Variants in SLC17A1 observed in about 807,000 individuals in gnomAD.
SLC17A1 encodes the protein sodium-dependent phosphate transport protein 1.
Under a neutral mutation model 53.5 loss-of-function variants are expected in SLC17A1, and 51 were observed. That is an observed-to-expected ratio of 0.95 (90% CI 0.76 to 1.20). The LOEUF (loss-of-function observed/expected upper bound fraction) is 1.20, where lower values mean the gene tolerates loss of function less well. Ranked by LOEUF, SLC17A1 falls within the 50% of genes most tolerant of loss-of-function variation. SLC17A1 has a pLI of 0.00. For missense variants in SLC17A1, 538 were observed against 568.2 expected, an observed-to-expected ratio of 0.95 and a Z score of 0.54; for synonymous variants, 179 against 198.8, an observed-to-expected ratio of 0.90 and a Z score of 0.84.
At chr6:25,734,389 A>G in the SLC17A1 span, among the ~76,000 whole-genome samples, 1 of 152,204 alleles carries the variant, frequency 6.6e-6, no homozygotes, top group East Asian at 1.9e-4. Flanking sequence ...GATTAAGATG[A>G]ATGGGGAAAA....
At chr6:25,765,879 C>T in the SLC17A1 span, among the ~76,000 whole-genome samples, 2 of 151,850 alleles carry the variant, frequency 1.3e-5, no homozygotes, top group African/African-American at 4.8e-5. Context: ...AAAATACATA[C>T]AAGAGCTGGT....
At chr6:25,814,758 C>T (rs190605233) in intron 6 of SLC17A1, among the ~76,000 whole-genome samples, 2 of 151,972 alleles carry the variant, frequency 1.3e-5, no homozygotes, top group East Asian at 3.9e-4. Flanking sequence ...CCGAGGCGGG[C>T]GGATCACGTG....
chr6:25,819,619 C>T (rs1306244483), intron 4 of SLC17A1, 21 bp from the exon 5 acceptor site: 4 of 1,612,400 alleles, frequency 2.5e-6, no homozygotes, highest in South Asian at 1.1e-5. Flanking sequence ...AAAGGTTTGA[C>T]ATTTAATCTC....
intron 12 of SLC17A1, among the ~76,000 whole-genome samples, chr6:25,792,914 C>T (rs1763533247): frequency 6.6e-6 from 1 of 152,144 alleles, no homozygotes. Flanking sequence ...CCTGGTCTCC[C>T]TGCCTCTACT....
chr6:25,745,509 T>C, the SLC17A1 span, among the ~76,000 whole-genome samples: 2,549 of 152,266 alleles, frequency 0.017, 64 homozygotes, highest in African/African-American at 0.057. Flanking sequence ...TACTTTAACA[T>C]TTACTTGGTC....
Position 25,783,222 on chromosome 6 carries a change from A to C in SLC17A1, c.*3-4T>G, listed in dbSNP as rs1459705679. The C allele has an allele frequency of 6.6e-6, 1 of 152,150 alleles. No homozygotes were observed. The highest frequency in any genetic ancestry group is 1.9e-4 in the East Asian group (1 of 5,184). The allele number at this position is 152,150 out of a possible 1,614,324, so 9.4% of individuals were successfully genotyped here. A position where few individuals can be genotyped will look rare whatever the true frequency, so the allele number is the denominator to read the frequency against. Reference sequence around the variant, plus strand: ...TCTGCAAGTGCTCTGTTTCACACTAAGTTTTGTAAACAAAGAAAAAAATAG... The same window carrying C: ...TCTGCAAGTGCTCTGTTTCACACTACGTTTTGTAAACAAAGAAAAAAATAG... On this transcript the variant is annotated splice_polypyrimidine_tract_variant and splice_region_variant and intron_variant, in intron 12 of 12. Coordinates refer to ENST00000244527, the MANE Select transcript of SLC17A1 (RefSeq NM_005074.5).
intron 3 of SLC17A1, among the ~76,000 whole-genome samples, chr6:25,823,396 G>GT (rs1764633823): frequency 6.6e-6 from 1 of 152,092 alleles, no homozygotes; most frequent in Non-Finnish European, 1.5e-5. Context: ...ATGACAAAGT[G>GT]TATTCCAAAG....
At chr6:25,803,239 G>A (rs985505607) in intron 10 of SLC17A1, among the ~76,000 whole-genome samples, 24 of 151,762 alleles carry the variant, frequency 1.6e-4, no homozygotes, top group African/African-American at 4.4e-4. Context: ...GCCCGGCCCC[G>A]CAGGCATTTT....
chr6:25,830,865 C>T (rs1026452146), intron 1 of SLC17A1, among the ~76,000 whole-genome samples: 2 of 152,014 alleles, frequency 1.3e-5, no homozygotes, highest in African/African-American at 2.4e-5. Context: ...ATTCTAAATC[C>T]GTGATAATAT....
At chr6:25,726,843 A>C in the SLC17A1 span, 126 of 1,531,248 alleles carry the variant, frequency 8.2e-5, no homozygotes, top group Non-Finnish European at 1.1e-4. Context: ...AGAGCTGTTG[A>C]GCACTGGAAA....
the SLC17A1 span, among the ~76,000 whole-genome samples, chr6:25,770,739 A>T: frequency 6.6e-6 from 1 of 152,226 alleles, no homozygotes. Context: ...CATTTCACAC[A>T]TATGGAATTT....
intron 11 of SLC17A1, 34 bp from the exon 12 acceptor site, chr6:25,798,953 A>G (rs201098097): frequency 6.6e-7 from 1 of 1,520,292 alleles, no homozygotes; most frequent in East Asian, 2.3e-5. Flanking sequence ...ATTGTAAATT[A>G]TTGCTCTTGT....
At chr6:25,825,944 CTT>C (rs1561844072) in intron 3 of SLC17A1, among the ~76,000 whole-genome samples, 1 of 151,942 alleles carries the variant, frequency 6.6e-6, no homozygotes, top group Non-Finnish European at 1.5e-5. Flanking sequence ...CAAAAGCATT[CTT>C]TGTTATAATT....
the SLC17A1 span, chr6:25,731,875 T>A: frequency 6.2e-7 from 1 of 1,602,852 alleles, no homozygotes; most frequent in Non-Finnish European, 8.5e-7. Context: ...CGCACGGCCG[T>A]CTGGATCTCC....
intron 12 of SLC17A1, 156 bp downstream of exon 12, chr6:25,798,627 G>C: frequency 1.8e-6 from 1 of 558,726 alleles, no homozygotes; most frequent in East Asian, 3.2e-5. Flanking sequence ...GAGTCCCACA[G>C]CCATTTCAGG....
chr6:25,784,245 T>C (rs1581442616), intron 12 of SLC17A1, among the ~76,000 whole-genome samples: 1 of 152,182 alleles, frequency 6.6e-6, no homozygotes, highest in Non-Finnish European at 1.5e-5. Context: ...TCTCTTCACA[T>C]AGGCAATCAT....
At chr6:25,805,197 A>G (rs1413408705) in intron 10 of SLC17A1, among the ~76,000 whole-genome samples, 7 of 152,078 alleles carry the variant, frequency 4.6e-5, no homozygotes, top group African/African-American at 1.7e-4. Flanking sequence ...AATTATATCA[A>G]GTATCTTCTC....
chr6:25,801,470 G>A (rs2151481896), intron 10 of SLC17A1, among the ~76,000 whole-genome samples: 1 of 152,286 alleles, frequency 6.6e-6, no homozygotes, highest in East Asian at 1.9e-4. Flanking sequence ...ACCAATTCCA[G>A]CAGAAAATTA....
chr6:25,779,131 C>T (rs1561816823), downstream of SLC17A1: 2 of 1,613,928 alleles, frequency 1.2e-6, no homozygotes, highest in Admixed American at 1.7e-5. Context: ...TCTACCTCAT[C>T]TTTGGCCGAG....
Sources: gnomAD v4.1 joint callset for allele counts (sites outside exome capture counted in the v4.1 genomes callset) on GRCh38, gnomAD v4.1.1 for gene constraint, MANE v1.5 for transcripts, NCBI Gene and HGNC (gene_info 2026-07-23, HGNC 2026-07-21) for gene names.